CLTB: variants seen among roughly 807,000 people sequenced by gnomAD.
CLTB encodes the protein clathrin light chain B.
In CLTB, 10 loss-of-function variants were observed where a neutral mutation model predicts 30.5. The ratio of observed to expected loss-of-function variants is 0.33; its 90% confidence interval spans 0.20 to 0.56. CLTB has a LOEUF of 0.56. CLTB is among the 20% of genes least tolerant of loss of function. CLTB has a pLI of 0.91. For synonymous variants in CLTB, 102 were observed against 120.3 expected (o/e 0.85, Z 1.00); for missense variants, 261 against 308.3 (o/e 0.85, Z 1.15).
chr5:176,403,090 C>T (rs1756907590), intron 2 of CLTB, among the ~76,000 whole-genome samples: 1 of 149,726 alleles, frequency 6.7e-6, no homozygotes, highest in Admixed American at 6.7e-5. Flanking sequence ...CGCTCTGTCG[C>T]CCAGGCTGGA....
At position 176,397,940 on chromosome 5, in the gene CLTB, C is replaced by A; in HGVS notation, c.342G>T (p.Leu114=). ...RKWREEQRKR[L]QELDAASKVT... ...CAGCCCCGCCCTCACCCAGCTCTTG[C>A]AGCCGTTTCCTCTGCTCCTCTCGCC... Residue 114 remains leucine (L), a synonymous_variant, in exon 3 of 6, where the codon CTG becomes CTT. Transcript: ENST00000310418. 7 of 1,613,860 alleles carry A rather than the reference C, an allele frequency of 4.3e-6. No homozygotes were observed. Among genetic ancestry groups the A allele is most frequent in the Non-Finnish European group, 5.9e-6 (7 of 1,179,990 alleles).
At position 176,392,707 on chromosome 5, in the gene CLTB, CCAAAG is replaced by C. The variant is rs1756311420; in HGVS notation, c.*62_*66del. The C allele has an allele frequency of 6.4e-7, 1 of 1,573,168 alleles. No individual in the cohort carries two copies. Among genetic ancestry groups the C allele is most frequent in the African/African-American group, 1.3e-5 (1 of 74,214 alleles). ...CAGCTGCTGCGAGTCTCCACCCCGA[CCAAAG>C]CAGCTGCTCCTCCTGTGCCCAGGCC... On this transcript the variant is annotated 3_prime_UTR_variant, in exon 6 of 6. Transcript: ENST00000310418. The surrounding 1 kb of genome is among the most constrained non-coding windows in gnomAD (Gnocchi z 5.2).
At chr5:176,411,556 G>A (rs556116053) in intron 1 of CLTB, among the ~76,000 whole-genome samples, 15 of 152,148 alleles carry the variant, frequency 9.9e-5, no homozygotes, top group African/African-American at 2.9e-4. Flanking sequence ...AGTATTAAGC[G>A]CACTTACTAC....
rs576076789 is a variant in CLTB, at chr5:176,393,537, T to G, written c.519-592A>C. On this transcript the variant is annotated intron_variant, in intron 5 of 5. Coordinates refer to ENST00000310418, the MANE Select transcript of CLTB (RefSeq NM_007097.5). The surrounding 1 kb of genome is among the most constrained non-coding windows in gnomAD (Gnocchi z 4.4). ...AGCAAGACTTTCAAAGCCTTTCATG[T>G]GCTGTGTGCGTCGTGACCCTCCAAG... Among the ~76,000 whole-genome samples the G allele has an allele frequency of 3.9e-5, 6 of 152,224 alleles. No individual in the cohort carries two copies. Among genetic ancestry groups the G allele is most frequent in the Non-Finnish European group, 5.9e-5 (4 of 68,038 alleles).
At position 176,393,855 on chromosome 5, in the gene CLTB, TAGGTG is replaced by T. The variant is rs1756367735; in HGVS notation, c.519-915_519-911del. 6.6e-6 allele frequency among the ~76,000 whole-genome samples: 1 copy of T among 152,172 alleles called. No homozygotes were observed. Among genetic ancestry groups the T allele is most frequent in the South Asian group, 2.1e-4 (1 of 4,826 alleles). On this transcript the variant is annotated intron_variant, in intron 5 of 5. Transcript: ENST00000310418. This position sits in a 1 kb window ranked among gnomAD's most constrained non-coding sequence, Gnocchi z 4.4. ...TAACAGAAAGACAATAAGGGATTCT[TAGGTG>T]AGGAGAGCTGGGTCTATGTCCTGTT... is the stretch of plus-strand genomic sequence containing the variant.
At chr5:176,399,506 C>T (rs1002697213) in intron 2 of CLTB, among the ~76,000 whole-genome samples, 3 of 152,172 alleles carry the variant, frequency 2.0e-5, no homozygotes, top group Non-Finnish European at 4.4e-5. Flanking sequence ...CTTCGGGAGG[C>T]CAAGGCAGGA....
In CLTB at chr5:176,397,645, G is replaced by A; in HGVS notation, c.426C>T (p.Arg142=). The A allele has an allele frequency of 2.5e-6, 4 of 1,611,726 alleles. No homozygotes were observed. Among genetic ancestry groups the A allele is most frequent in the Middle Eastern group, 1.7e-4 (1 of 6,060 alleles). ...AKKDLEEWNQ[R]QSEQVEKNKI... ...TGTTCTTCTCTACTTGTTCACTCTG[G>A]CGCTGGTTCCACTCCTCCAGGTCCT... Residue 142 remains arginine (R), a synonymous_variant, in exon 4 of 6, where the codon CGC becomes CGT. Transcript: ENST00000310418.
At chr5:176,403,511 G>C (rs905296910) in intron 2 of CLTB, among the ~76,000 whole-genome samples, 2 of 151,972 alleles carry the variant, frequency 1.3e-5, no homozygotes, top group Non-Finnish European at 2.9e-5. Context: ...CTGGAGTGCA[G>C]TGACGTGATC....
intron 2 of CLTB, 67 bp downstream of exon 2, chr5:176,410,187 CAAT>C: frequency 1.5e-6 from 2 of 1,326,994 alleles, no homozygotes; most frequent in East Asian, 2.3e-5. Context: ...AAGCCTACAA[CAAT>C]GAGGCTTTAG....
intron 1 of CLTB, 105 bp downstream of exon 1, chr5:176,416,072 C>T: frequency 9.5e-7 from 1 of 1,050,534 alleles, no homozygotes; most frequent in Non-Finnish European, 1.3e-6. Flanking sequence ...CCAGCTCCTG[C>T]CCCGGGTGGC....
Position 176,392,802 on chromosome 5 carries a change from G to A in CLTB, c.662C>T (p.Ser221Phe). 6.2e-7 allele frequency: 1 copy of A among 1,614,222 alleles called. No homozygotes were observed. Among genetic ancestry groups the A allele is most frequent in the Non-Finnish European group, 8.5e-7 (1 of 1,180,036 alleles). The change falls in exon 6 of 6, where the codon TCC (serine) becomes TTC (phenylalanine). Residue 221 changes from serine to phenylalanine, a missense_variant. By Grantham distance (155) the Ser-to-Phe change is radical. This residue lies in a region of CLTB where 25 missense variants were observed against 48.8 expected (regional missense o/e 0.51). Coordinates refer to ENST00000310418, the MANE Select transcript of CLTB (RefSeq NM_007097.5). The surrounding 1 kb of genome is among the most constrained non-coding windows in gnomAD (Gnocchi z 5.2). ...DVSRLRSVLM[S>F]LKQTPLSR Reference sequence around the variant, plus strand: ...GCGGGACAGTGGCGTCTGCTTCAGGGACATGAGCACCGAGCGCAGGCGGGA... The same window carrying A: ...GCGGGACAGTGGCGTCTGCTTCAGGAACATGAGCACCGAGCGCAGGCGGGA...
At chr5:176,408,552 A>G (rs532872361) in intron 2 of CLTB, among the ~76,000 whole-genome samples, 1 of 151,984 alleles carries the variant, frequency 6.6e-6, no homozygotes, top group Admixed American at 6.6e-5. Context: ...AAAAAAAAAA[A>G]AAAGACTCAC....
chr5:176,395,088 T>C (rs1478143264), intron 5 of CLTB, among the ~76,000 whole-genome samples: 2 of 143,688 alleles, frequency 1.4e-5, no homozygotes, highest in African/African-American at 5.2e-5. Flanking sequence ...CTCCCACCCA[T>C]CCCCACCATC....
rs1756311127 is a variant in CLTB, at chr5:176,392,705, G to A, written c.*69C>T. On this transcript the variant is annotated 3_prime_UTR_variant, in exon 6 of 6. Coordinates refer to ENST00000310418, the MANE Select transcript of CLTB (RefSeq NM_007097.5). The surrounding 1 kb of genome is among the most constrained non-coding windows in gnomAD (Gnocchi z 5.2). ...AGCAGCTGCTGCGAGTCTCCACCCC[G>A]ACCAAAGCAGCTGCTCCTCCTGTGC... 1.1e-5 allele frequency: 18 copies of A among 1,565,708 alleles called. No individual in the cohort carries two copies. Among genetic ancestry groups the A allele is most frequent in the East Asian group, 2.3e-5 (1 of 44,430 alleles).
intron 2 of CLTB, among the ~76,000 whole-genome samples, chr5:176,403,853 C>T (rs112956532): frequency 5.3e-5 from 8 of 152,154 alleles, no homozygotes; most frequent in South Asian, 2.1e-4. Context: ...TCCGCCTTTC[C>T]GGGTTTGAGA....
At chr5:176,413,743 T>C (rs1232148623) in intron 1 of CLTB, among the ~76,000 whole-genome samples, 2 of 152,200 alleles carry the variant, frequency 1.3e-5, no homozygotes, top group South Asian at 2.1e-4. Context: ...CAGCACTGCA[T>C]AGGCTGAGAA....
At chr5:176,394,291 T>C (rs1756389739) in intron 5 of CLTB, among the ~76,000 whole-genome samples, 2 of 152,204 alleles carry the variant, frequency 1.3e-5, no homozygotes, top group African/African-American at 4.8e-5. Flanking sequence ...ACAGAGCCTG[T>C]CAGAAATGCA....
intron 5 of CLTB, among the ~76,000 whole-genome samples, chr5:176,394,829 G>T (rs1756440233): frequency 6.6e-6 from 1 of 150,790 alleles, no homozygotes; most frequent in Admixed American, 6.6e-5. Context: ...AAAAAAAAAA[G>T]TTTGAGAAGC....
chr5:176,409,292 T>TGAAA (rs1430706969), intron 2 of CLTB, among the ~76,000 whole-genome samples: 5 of 69,546 alleles, frequency 7.2e-5, no homozygotes, highest in African/African-American at 3.2e-4. Flanking sequence ...TTTTTAAAAT[T>TGAAA]GAAAAAAAAA....
Sources: gnomAD v4.1 joint callset for allele counts (sites outside exome capture counted in the v4.1 genomes callset) on GRCh38, gnomAD v4.1.1 for gene constraint, gnomAD v4.1.1 regional missense constraint, Gnocchi (gnomAD v3.1) non-coding constraint, MANE v1.5 for transcripts, NCBI Gene and HGNC (gene_info 2026-07-23, HGNC 2026-07-21) for gene names.